TDRD3: variants seen among roughly 807,000 people sequenced by gnomAD.
TDRD3 encodes tudor domain containing 3, also known as tudor domain-containing protein 3.
Under a neutral mutation model 86.7 loss-of-function variants are expected in TDRD3, and 45 were observed. That is an observed-to-expected ratio of 0.52 (90% CI 0.41 to 0.67). The LOEUF (loss-of-function observed/expected upper bound fraction) is 0.67. Among genes scored for constraint, TDRD3 ranks in the 30% least tolerant of loss-of-function variants. The pLI, the probability that TDRD3 is intolerant of heterozygous loss-of-function variation, is 0.00. For missense variants in TDRD3, 814 were observed against 889.0 expected (o/e 0.92, Z 1.07); for synonymous variants, 298 against 301.7 (o/e 0.99, Z 0.13).
At chr13:60,413,229 T>C (rs1954407602) in intron 1 of TDRD3, among the ~76,000 whole-genome samples, 1 of 152,188 alleles carries the variant, frequency 6.6e-6, no homozygotes, top group Non-Finnish European at 1.5e-5. Context: ...TTATAATTAA[T>C]TAGAATTTCA....
chr13:60,556,924 G>A (rs898116043), intron 12 of TDRD3, among the ~76,000 whole-genome samples: 4 of 152,146 alleles, frequency 2.6e-5, no homozygotes, highest in Admixed American at 2.6e-4. Flanking sequence ...AGTTCCAGAG[G>A]CCGGGTGCAG....
chr13:60,462,558 A>G (rs1955823960), intron 4 of TDRD3, among the ~76,000 whole-genome samples: 1 of 152,180 alleles, frequency 6.6e-6, no homozygotes, highest in Non-Finnish European at 1.5e-5. Flanking sequence ...AACTCTCTAG[A>G]TGGGATAAAC....
At chr13:60,464,463 T>C (rs372452294) in intron 4 of TDRD3, among the ~76,000 whole-genome samples, 13 of 152,124 alleles carry the variant, frequency 8.5e-5, no homozygotes, top group African/African-American at 3.1e-4. Context: ...CCATTTTTAT[T>C]GTAGCACTAT....
intron 1 of TDRD3, among the ~76,000 whole-genome samples, chr13:60,398,982 A>T (rs531561015): frequency 3.3e-5 from 5 of 152,326 alleles, no homozygotes; most frequent in African/African-American, 1.2e-4. Flanking sequence ...TTCATTTACA[A>T]ACTCAGTATT....
intron 12 of TDRD3, among the ~76,000 whole-genome samples, chr13:60,554,830 C>T (rs1958149996): frequency 6.6e-6 from 1 of 152,116 alleles, no homozygotes; most frequent in African/African-American, 2.4e-5. Flanking sequence ...AATTACTCTC[C>T]AGATTGTAAT....
intron 5 of TDRD3, among the ~76,000 whole-genome samples, chr13:60,479,696 A>G (rs1412875084): frequency 6.6e-6 from 1 of 152,222 alleles, no homozygotes; most frequent in Middle Eastern, 3.2e-3. Context: ...GTATATACAT[A>G]TTTAGGATAG....
intron 2 of TDRD3, among the ~76,000 whole-genome samples, chr13:60,441,498 AC>A (rs1168331294): frequency 3.9e-5 from 6 of 152,154 alleles, no homozygotes; most frequent in African/African-American, 7.2e-5. Flanking sequence ...AGGAAAAAAA[AC>A]CATTTTGATT....
intron 1 of TDRD3, among the ~76,000 whole-genome samples, chr13:60,430,262 T>A (rs1954919859): frequency 6.6e-6 from 1 of 152,174 alleles, no homozygotes. Context: ...AAGTATGTGA[T>A]CTCCTTGGGG....
At chr13:60,483,337 TTAAG>T (rs1956358450) in intron 5 of TDRD3, among the ~76,000 whole-genome samples, 2 of 152,152 alleles carry the variant, frequency 1.3e-5, no homozygotes, top group Non-Finnish European at 2.9e-5. Context: ...TCTGTTCTCT[TTAAG>T]TAATTAGAAA....
intron 1 of TDRD3, among the ~76,000 whole-genome samples, chr13:60,414,891 T>C (rs903026644): frequency 6.6e-6 from 1 of 152,092 alleles, no homozygotes; most frequent in Non-Finnish European, 1.5e-5. Context: ...CAGTGGTTTT[T>C]TTTTTCTGTT....
chr13:60,478,489 G>A (rs1288270092), intron 5 of TDRD3, among the ~76,000 whole-genome samples: 1 of 151,714 alleles, frequency 6.6e-6, no homozygotes, highest in Non-Finnish European at 1.5e-5. Context: ...ATTTTTAGTA[G>A]AGATGGGGTT....
chr13:60,516,438 T>A (rs1216146490), intron 10 of TDRD3, among the ~76,000 whole-genome samples: 1 of 152,220 alleles, frequency 6.6e-6, no homozygotes, highest in Non-Finnish European at 1.5e-5. Context: ...AAAACATAAT[T>A]CTAGTTGACG....
chr13:60,427,853 C>T (rs141415202), intron 1 of TDRD3, among the ~76,000 whole-genome samples: 2 of 152,310 alleles, frequency 1.3e-5, no homozygotes, highest in East Asian at 1.9e-4. Flanking sequence ...CAATACTTCT[C>T]AAGTAATTAC....
chr13:60,444,511 G>A (rs568247385), intron 2 of TDRD3, among the ~76,000 whole-genome samples, 172 bp from the exon 3 acceptor site: 2 of 151,946 alleles, frequency 1.3e-5, no homozygotes, highest in African/African-American at 2.4e-5. Context: ...TTTAAACAAC[G>A]TATTATGGGA....
At chr13:60,473,551 C>G (rs1956115246) in intron 5 of TDRD3, among the ~76,000 whole-genome samples, 1 of 152,042 alleles carries the variant, frequency 6.6e-6, no homozygotes, top group Non-Finnish European at 1.5e-5. Context: ...AATAGTTATA[C>G]TAGAAATAGA....
rs1350711558 is a variant in TDRD3 at position 60,565,204 on chromosome 13, C to T, written c.2119-2321C>T. On this transcript the variant is annotated intron_variant, in intron 12 of 13. Coordinates refer to ENST00000377881, the MANE Select transcript of TDRD3 (RefSeq NM_001146070.2). ...CCGAGTAGCTGGGACTACAGGCGCC[C>T]GCCACCGCGCCCGGCTAATTTTTTG... Among the ~76,000 whole-genome samples, 3 of 151,652 alleles carry T rather than the reference C, an allele frequency of 2.0e-5. No homozygotes were observed. In the East Asian group the frequency reaches 5.8e-4, roughly 29 times the overall value.
Position 60,528,485 on chromosome 13 carries a change from G to A in TDRD3, c.1260G>A (p.Gln420=). The A allele has an allele frequency of 1.9e-6, 3 of 1,613,944 alleles. No individual in the cohort carries two copies. Among genetic ancestry groups the A allele is most frequent in the Non-Finnish European group, 2.5e-6 (3 of 1,179,932 alleles). ...ATCCTCCTCGAAATGATACCAGGCA[G>A]CCAAGAAATGAAAAACCGCCTCGTT... The part of the protein sequence containing the change: ...LRHPPRNDTR[Q]PRNEKPPRFQ... Residue 420 remains glutamine (Q), a synonymous_variant, in exon 11 of 14, where the codon CAG becomes CAA. Transcript: ENST00000377881.
chr13:60,397,062 G>C (rs2137772035), upstream of TDRD3: 1 of 298,750 alleles, frequency 3.3e-6, no homozygotes, highest in Admixed American at 5.1e-5. Context: ...CTTCGGGGAA[G>C]AGGCAAAGTC....
chr13:60,468,496 A>G (rs1388821078), intron 5 of TDRD3, among the ~76,000 whole-genome samples: 1 of 151,990 alleles, frequency 6.6e-6, no homozygotes, highest in Admixed American at 6.6e-5. Context: ...TTCATTTCTC[A>G]TCTCCTGTAA....
Sources: gnomAD v4.1 joint callset for allele counts (sites outside exome capture counted in the v4.1 genomes callset) on GRCh38, gnomAD v4.1.1 for gene constraint, MANE v1.5 for transcripts, NCBI Gene and HGNC (gene_info 2026-07-23, HGNC 2026-07-21) for gene names.